The following LRP1B variants were observed in gnomAD, a reference collection of about 807,000 sequenced individuals.
The protein encoded by LRP1B is low-density lipoprotein receptor-related protein 1B.
A neutral mutation model predicts 556.6 loss-of-function variants in LRP1B; 217 were observed. The observed-to-expected ratio is 0.39, with a 90% CI of 0.35 to 0.44. The LOEUF (loss-of-function observed/expected upper bound fraction) is 0.44. Among genes scored for constraint, LRP1B ranks in the 20% least tolerant of loss-of-function variants. The probability of loss-of-function intolerance (pLI) is 1.00; values close to 1 mark genes in which losing one functional copy is unlikely to be tolerated. For synonymous variants in LRP1B, 2,047 were observed against 1,865.8 expected (o/e 1.10, Z -2.50); for missense variants, 5,053 against 5,620.8 (o/e 0.90, Z 3.23).
chr2:141,058,439 A>G (rs1699245138), intron 9 of LRP1B, among the ~76,000 whole-genome samples: 3 of 151,828 alleles, frequency 2.0e-5, no homozygotes, highest in African/African-American at 7.2e-5. Context: ...CTCATTGAAA[A>G]TTACTTTTTA....
intron 18 of LRP1B, among the ~76,000 whole-genome samples, chr2:140,968,684 T>C (rs2105325886): frequency 6.6e-6 from 1 of 152,310 alleles, no homozygotes; most frequent in South Asian, 2.1e-4. Flanking sequence ...TAAATTTCCC[T>C]CTACACACTG....
chr2:140,431,662 C>G (rs1255506928), intron 66 of LRP1B, among the ~76,000 whole-genome samples: 2 of 152,188 alleles, frequency 1.3e-5, no homozygotes, highest in African/African-American at 4.8e-5. Flanking sequence ...CCTGGGTCCT[C>G]CCAATTCTTA....
intron 1 of LRP1B, among the ~76,000 whole-genome samples, chr2:141,915,412 T>C (rs956291741): frequency 2.6e-5 from 4 of 152,080 alleles, no homozygotes; most frequent in Non-Finnish European, 5.9e-5. Flanking sequence ...AAATTGTATA[T>C]GGTGAACCTT....
At chr2:141,069,912 C>T (rs1161673718) in intron 7 of LRP1B, among the ~76,000 whole-genome samples, 1 of 151,610 alleles carries the variant, frequency 6.6e-6, no homozygotes, top group African/African-American at 2.4e-5. Flanking sequence ...ATTAACTTGT[C>T]ATTTAGCATT....
chr2:140,863,368 G>A (rs538663727), intron 27 of LRP1B, among the ~76,000 whole-genome samples: 4 of 152,110 alleles, frequency 2.6e-5, no homozygotes, highest in African/African-American at 9.6e-5. Flanking sequence ...TATCCCCTGG[G>A]AATTTGTTAA....
At chr2:141,021,282 A>T (rs1698057352) in intron 11 of LRP1B, among the ~76,000 whole-genome samples, 1 of 151,878 alleles carries the variant, frequency 6.6e-6, no homozygotes, top group Non-Finnish European at 1.5e-5. Flanking sequence ...AAAACAGTAA[A>T]ATTTTCCCTT....
At chr2:140,810,462 C>T (rs879473414) in intron 32 of LRP1B, among the ~76,000 whole-genome samples, 1 of 121,178 alleles carries the variant, frequency 8.3e-6, no homozygotes, top group Non-Finnish European at 2.0e-5. Context: ...CTGTGTTTTA[C>T]TTTTTCATTG....
At chr2:142,105,724 T>C (rs1706723664) in intron 1 of LRP1B, among the ~76,000 whole-genome samples, 1 of 152,186 alleles carries the variant, frequency 6.6e-6, no homozygotes, top group African/African-American at 2.4e-5. Flanking sequence ...CTTCAGGGTC[T>C]AGATTTTAAA....
intron 41 of LRP1B, among the ~76,000 whole-genome samples, chr2:140,640,736 T>G (rs1684265257): frequency 6.6e-6 from 1 of 152,154 alleles, no homozygotes; most frequent in Non-Finnish European, 1.5e-5. Context: ...CTGATTAATA[T>G]ATTTAATTCA....
chr2:141,490,449 C>G (rs960512592), intron 2 of LRP1B, among the ~76,000 whole-genome samples: 1 of 150,492 alleles, frequency 6.6e-6, no homozygotes, highest in Admixed American at 6.7e-5. Flanking sequence ...AGTTTAACTG[C>G]AAGTTGGCAC....
intron 1 of LRP1B, among the ~76,000 whole-genome samples, chr2:142,085,188 A>G (rs1445122051): frequency 6.6e-6 from 1 of 152,104 alleles, no homozygotes; most frequent in African/African-American, 2.4e-5. Flanking sequence ...CATCCTCCCC[A>G]TCTCTTCACC....
intron 3 of LRP1B, among the ~76,000 whole-genome samples, chr2:141,288,964 G>T (rs562052508): frequency 6.6e-6 from 1 of 152,258 alleles, no homozygotes; most frequent in South Asian, 2.1e-4. Context: ...TACCTTGTGT[G>T]TTTGTACATG....
At chr2:141,190,066 T>G (rs1558921881) in intron 6 of LRP1B, among the ~76,000 whole-genome samples, 1 of 152,004 alleles carries the variant, frequency 6.6e-6, no homozygotes, top group Non-Finnish European at 1.5e-5. Context: ...CCACGTCTTT[T>G]GCTGAGGACT....
intron 1 of LRP1B, among the ~76,000 whole-genome samples, chr2:142,097,435 C>G (rs537027022): frequency 6.6e-6 from 1 of 151,522 alleles, no homozygotes; most frequent in Admixed American, 6.6e-5. Flanking sequence ...AAAGAAGCAA[C>G]AGTTTACTTT....
rs746741056 is a variant in LRP1B, at chr2:140,370,840, C to T, written c.10878G>A (p.Met3626Ile). The T allele has an allele frequency of 1.2e-6, 2 of 1,611,932 alleles. No individual in the cohort carries two copies. Among genetic ancestry groups the T allele is most frequent in the African/African-American group, 2.7e-5 (2 of 74,766 alleles). ...EYDCADGSDE[M>I]DCVTECKEDQ... is the part of the protein sequence containing the mutation. ...CTTCCTTACATTCAGTCACACAGTC[C>T]ATCTGTTCAAATACAAATGGACACT... Residue 3626 changes from methionine (M) to isoleucine (I), a missense_variant and splice_region_variant, in exon 71 of 91, where the codon ATG becomes ATA. Around this residue, in one of 5 missense-constraint regions of LRP1B, gnomAD observed 599 missense variants for 648.4 expected, o/e 0.92. Coordinates refer to ENST00000389484, the MANE Select transcript of LRP1B (RefSeq NM_018557.3).
intron 66 of LRP1B, among the ~76,000 whole-genome samples, chr2:140,388,056 C>G (rs1055690433): frequency 1.1e-4 from 17 of 151,850 alleles, no homozygotes; most frequent in Admixed American, 1.1e-3. Context: ...CCTGCCTCAG[C>G]CTCCCGAGTA....
intron 20 of LRP1B, among the ~76,000 whole-genome samples, chr2:140,929,023 C>G (rs574816238): frequency 1.3e-5 from 2 of 152,128 alleles, no homozygotes; most frequent in South Asian, 4.2e-4. Flanking sequence ...GATTTTGAAG[C>G]AGAGAAGTGA....
intron 3 of LRP1B, among the ~76,000 whole-genome samples, chr2:141,315,389 A>G (rs1486133399): frequency 6.8e-6 from 1 of 148,132 alleles, no homozygotes; most frequent in Non-Finnish European, 1.5e-5. Context: ...CCTCCCAAGT[A>G]GCTGGGACTA....
intron 6 of LRP1B, among the ~76,000 whole-genome samples, chr2:141,193,550 C>G (rs955433043): frequency 1.3e-5 from 2 of 151,788 alleles, no homozygotes; most frequent in African/African-American, 4.8e-5. Flanking sequence ...AACTCATGAA[C>G]ACAAAGAAGG....
Sources: gnomAD v4.1 joint callset for allele counts (sites outside exome capture counted in the v4.1 genomes callset) on GRCh38, gnomAD v4.1.1 for gene constraint, gnomAD v4.1.1 regional missense constraint, MANE v1.5 for transcripts, NCBI Gene and HGNC (gene_info 2026-07-23, HGNC 2026-07-21) for gene names.